The following DNER variants were observed in gnomAD, a reference collection of about 807,000 sequenced individuals.
The protein encoded by DNER is delta and Notch-like epidermal growth factor-related receptor.
In DNER, 33 loss-of-function variants were observed where a neutral mutation model predicts 78.2. The ratio of observed to expected loss-of-function variants is 0.42; its 90% CI spans 0.32 to 0.56. The LOEUF is 0.56. DNER is among the 20% of genes least tolerant of loss of function. DNER has a pLI of 0.11. For missense variants in DNER, 918 were observed against 975.3 expected (o/e 0.94, Z 0.78); for synonymous variants, 417 against 384.8 (o/e 1.08, Z -0.98).
In DNER at chr2:229,706,167, A is replaced by G. The variant is rs1400789210; in HGVS notation, c.276+7981T>C. Among the ~76,000 whole-genome samples the G allele has an allele frequency of 2.0e-5, 3 of 152,302 alleles. No individual in the cohort carries two copies. In the East Asian group the frequency reaches 5.8e-4, roughly 29 times the overall value. On this transcript the variant is annotated intron_variant, in intron 1 of 12. Transcript: ENST00000341772. The stretch of plus-strand genomic sequence containing the variant: ...AGCCTTGGGCCAAGTCCAATAAATA[A>G]AAATGAAAAAATAAACTCTTTCCAC...
chr2:229,497,817 TAA>T (rs905607611), intron 6 of DNER, among the ~76,000 whole-genome samples: 1 of 151,940 alleles, frequency 6.6e-6, no homozygotes, highest in Non-Finnish European at 1.5e-5. Context: ...GAGCCAGTAA[TAA>T]AAAAGTCTCC....
chr2:229,539,659 C>G (rs1325426713), intron 5 of DNER, among the ~76,000 whole-genome samples: 1 of 152,160 alleles, frequency 6.6e-6, no homozygotes, highest in Non-Finnish European at 1.5e-5. Flanking sequence ...TTTTCTCGTC[C>G]CGTTGATAGA....
intron 1 of DNER, among the ~76,000 whole-genome samples, chr2:229,597,870 C>T (rs575817727): frequency 1.3e-5 from 2 of 152,308 alleles, no homozygotes; most frequent in East Asian, 3.9e-4. Flanking sequence ...ATAATGTCTA[C>T]TCTAACCAAG....
At chr2:229,615,545 T>C (rs978902234) in intron 1 of DNER, among the ~76,000 whole-genome samples, 23 of 151,462 alleles carry the variant, frequency 1.5e-4, no homozygotes, top group African/African-American at 4.9e-4. Context: ...CTATCTCTAC[T>C]AAAAATACAA....
intron 1 of DNER, among the ~76,000 whole-genome samples, chr2:229,673,421 C>A (rs1250391030): frequency 6.6e-6 from 1 of 152,168 alleles, no homozygotes; most frequent in Non-Finnish European, 1.5e-5. Context: ...TTGGACTTGC[C>A]CTCCTGGGGA....
chr2:229,710,983 G>GCACACACACACACA (rs34720917), intron 1 of DNER, among the ~76,000 whole-genome samples: 5 of 139,724 alleles, frequency 3.6e-5, no homozygotes, highest in Non-Finnish European at 7.7e-5. Context: ...GCATACACGC[G>GCACACACACACACA]CACACACACA....
At chr2:229,628,334 A>G (rs529366288) in intron 1 of DNER, among the ~76,000 whole-genome samples, 6 of 152,292 alleles carry the variant, frequency 3.9e-5, no homozygotes, top group Non-Finnish European at 7.4e-5. Flanking sequence ...CCAGAGACAA[A>G]TTCCTCAACA....
intron 8 of DNER, among the ~76,000 whole-genome samples, chr2:229,440,437 C>G (rs865832341): frequency 6.6e-6 from 1 of 152,104 alleles, no homozygotes; most frequent in African/African-American, 2.4e-5. Context: ...TGCAACCTCC[C>G]GACCTCCCAA....
At chr2:229,563,889 C>T (rs1370017451) in intron 4 of DNER, among the ~76,000 whole-genome samples, 3 of 149,692 alleles carry the variant, frequency 2.0e-5, no homozygotes, top group Non-Finnish European at 4.4e-5. Context: ...TCATCGTCAT[C>T]ACCCCATCAC....
At chr2:229,521,135 G>T (rs1427954063) in intron 5 of DNER, among the ~76,000 whole-genome samples, 2 of 152,212 alleles carry the variant, frequency 1.3e-5, no homozygotes, top group Non-Finnish European at 2.9e-5. Flanking sequence ...GCATCAAGTT[G>T]AGTTGGTTTC....
At chr2:229,469,625 C>T (rs1176299687) in intron 7 of DNER, among the ~76,000 whole-genome samples, 2 of 152,198 alleles carry the variant, frequency 1.3e-5, no homozygotes, top group African/African-American at 2.4e-5. Flanking sequence ...CAGCTGTTAA[C>T]TGCTAAGTTA....
chr2:229,505,177 A>AGTGTGTGTGT (rs144321798), intron 6 of DNER, among the ~76,000 whole-genome samples: 20,260 of 126,266 alleles, frequency 0.16, 1,999 homozygotes, highest in South Asian at 0.21. Flanking sequence ...GTGTTGCTGC[A>AGTGTGTGTGT]GTGTGTGTGT....
intron 1 of DNER, among the ~76,000 whole-genome samples, chr2:229,670,297 C>T (rs10179055): frequency 0.21 from 31,376 of 152,078 alleles, 5,622 homozygotes; most frequent in African/African-American, 0.49. Context: ...CCTCCCAGGC[C>T]GAGGCAAACG....
At chr2:229,421,265 G>T (rs554282110) in intron 8 of DNER, among the ~76,000 whole-genome samples, 1 of 152,156 alleles carries the variant, frequency 6.6e-6, no homozygotes, top group Admixed American at 6.5e-5. Flanking sequence ...GATTGCCAGG[G>T]TCTGCGGAAG....
At chr2:229,573,059 C>A (rs1172326602) in intron 4 of DNER, among the ~76,000 whole-genome samples, 1 of 152,122 alleles carries the variant, frequency 6.6e-6, no homozygotes, top group Non-Finnish European at 1.5e-5. Flanking sequence ...GATAAATGAG[C>A]AGATGACGTG....
chr2:229,439,576 C>T (rs958724027), intron 8 of DNER, among the ~76,000 whole-genome samples: 6 of 152,244 alleles, frequency 3.9e-5, no homozygotes, highest in African/African-American at 9.7e-5. Flanking sequence ...GCAAGGCATG[C>T]AGGATTTCAG....
chr2:229,379,025 G>A (rs1026698883), intron 11 of DNER, among the ~76,000 whole-genome samples: 4 of 152,072 alleles, frequency 2.6e-5, no homozygotes, highest in Non-Finnish European at 4.4e-5. Flanking sequence ...GATACCTTTG[G>A]CCCTATAGAG....
chr2:229,684,165 A>AGTGTGTGT (rs1392061568), intron 1 of DNER, among the ~76,000 whole-genome samples: 69 of 117,048 alleles, frequency 5.9e-4, no homozygotes, highest in South Asian at 5.3e-3. Flanking sequence ...AGAGAGAGAG[A>AGTGTGTGT]GAGAGTGTGT....
rs1183189886 is a variant in DNER at position 229,676,551 on chromosome 2, T to C, written c.276+37597A>G. 2.0e-5 allele frequency among the ~76,000 whole-genome samples: 3 copies of C among 152,200 alleles called. No homozygotes were observed. The East Asian group carries it at 5.8e-4, about 29-fold the overall frequency. On this transcript the variant is annotated intron_variant, in intron 1 of 12. Transcript: ENST00000341772. ...ACCTGCTGCTGTGGTTTTGGGGTGC[T>C]ATTTGCTCTAGTAAAGGACTGTTCT...
Sources: gnomAD v4.1 joint callset for allele counts (sites outside exome capture counted in the v4.1 genomes callset) on GRCh38, gnomAD v4.1.1 for gene constraint, MANE v1.5 for transcripts, NCBI Gene and HGNC (gene_info 2026-07-23, HGNC 2026-07-21) for gene names.